NRG1: variants seen among roughly 807,000 people sequenced by gnomAD.
The protein encoded by NRG1 is pro-neuregulin-1, membrane-bound isoform.
Under a neutral mutation model 63.8 loss-of-function variants are expected in NRG1, and 18 were observed. The observed-to-expected ratio is 0.28, with a 90% CI of 0.19 to 0.42. NRG1 has a LOEUF of 0.42. Ranked by LOEUF, NRG1 falls within the 10% of genes least tolerant of loss-of-function variation. NRG1 has a pLI of 1.00. For synonymous variants in NRG1, 302 were observed against 301.3 expected, an observed-to-expected ratio of 1.00 and a Z score of -0.02; for missense variants, 762 against 814.7, an observed-to-expected ratio of 0.94 and a Z score of 0.79.
At chr8:32,434,663 T>A (rs117039316) in intron 1 of NRG1, among the ~76,000 whole-genome samples, 3,081 of 152,108 alleles carry the variant, frequency 0.02, 50 homozygotes, top group Non-Finnish European at 0.032. Context: ...CTTCCCAAAG[T>A]AACAATTACT....
At chr8:32,491,806 C>T (rs1826604384) in intron 1 of NRG1, among the ~76,000 whole-genome samples, 1 of 152,158 alleles carries the variant, frequency 6.6e-6, no homozygotes. Context: ...GGGCCACTTC[C>T]CTCTTTGAGG....
chr8:32,227,709 G>A (rs1468371314), intron 1 of NRG1, among the ~76,000 whole-genome samples: 1 of 152,104 alleles, frequency 6.6e-6, no homozygotes, highest in Non-Finnish European at 1.5e-5. Context: ...CCCCAGGGGA[G>A]ACCAAGCTCA....
At chr8:31,885,201 T>C (rs1035063228) in intron 1 of NRG1, among the ~76,000 whole-genome samples, 1 of 152,098 alleles carries the variant, frequency 6.6e-6, no homozygotes, top group Non-Finnish European at 1.5e-5. Context: ...AAATTGTACA[T>C]TTAAGCAAAT....
chr8:32,055,396 C>A (rs1563732543), intron 1 of NRG1, among the ~76,000 whole-genome samples: 1 of 152,092 alleles, frequency 6.6e-6, no homozygotes, highest in Non-Finnish European at 1.5e-5. Flanking sequence ...TAAGTCATTT[C>A]CTTCTGGGAA....
chr8:32,284,254 C>T (rs551135276), intron 1 of NRG1, among the ~76,000 whole-genome samples: 4 of 152,140 alleles, frequency 2.6e-5, no homozygotes, highest in Non-Finnish European at 4.4e-5. Context: ...ATGTATAAGC[C>T]CTTGACCTGC....
At chr8:31,754,216 C>T (rs59672475) in intron 1 of NRG1, among the ~76,000 whole-genome samples, 8 of 151,938 alleles carry the variant, frequency 5.3e-5, no homozygotes, top group Non-Finnish European at 1.2e-4. Context: ...TGTCTCTGCC[C>T]AAATCTCATG....
chr8:32,750,300 A>G (rs1197799115), intron 7 of NRG1, among the ~76,000 whole-genome samples: 2 of 152,200 alleles, frequency 1.3e-5, no homozygotes, highest in Admixed American at 1.3e-4. Context: ...AAAATTTCAC[A>G]CTGTCAAAGT....
chr8:32,442,094 T>C (rs1819625765), intron 1 of NRG1, among the ~76,000 whole-genome samples: 1 of 152,202 alleles, frequency 6.6e-6, no homozygotes, highest in Non-Finnish European at 1.5e-5. Context: ...CTGTTTTCTA[T>C]TCCTGAAGCA....
intron 1 of NRG1, among the ~76,000 whole-genome samples, chr8:32,260,435 G>A (rs185966659): frequency 3.9e-5 from 6 of 152,162 alleles, no homozygotes; most frequent in African/African-American, 7.2e-5. Context: ...TCCACATGGG[G>A]TCAGTCCATA....
At chr8:32,650,211 T>A (rs1035981523) in intron 5 of NRG1, among the ~76,000 whole-genome samples, 67 of 152,198 alleles carry the variant, frequency 4.4e-4, no homozygotes, top group African/African-American at 1.6e-3. Context: ...ACATATTCCT[T>A]ATCAGTTTTT....
At chr8:32,292,288 G>C (rs972743399) in intron 1 of NRG1, among the ~76,000 whole-genome samples, 4 of 152,068 alleles carry the variant, frequency 2.6e-5, no homozygotes, top group African/African-American at 9.7e-5. Flanking sequence ...AATAAAATTA[G>C]TTACTCCCTT....
At chr8:32,471,984 G>GTT (rs1001026808) in intron 1 of NRG1, among the ~76,000 whole-genome samples, 3 of 152,170 alleles carry the variant, frequency 2.0e-5, no homozygotes, top group Non-Finnish European at 4.4e-5. Context: ...TTTAAACAGG[G>GTT]AGAAGAGGGA....
intron 1 of NRG1, among the ~76,000 whole-genome samples, chr8:31,775,118 T>C (rs966918118): frequency 2.0e-5 from 3 of 152,154 alleles, no homozygotes; most frequent in African/African-American, 7.2e-5. Context: ...ACAAATCATT[T>C]TATTAAAAAA....
At chr8:32,056,856 A>G (rs1823030156) in intron 1 of NRG1, among the ~76,000 whole-genome samples, 2 of 152,178 alleles carry the variant, frequency 1.3e-5, no homozygotes, top group Admixed American at 1.3e-4. Flanking sequence ...AAAATGCTAA[A>G]AGCTGGATTC....
At chr8:32,027,396 A>G (rs1049277260) in intron 1 of NRG1, among the ~76,000 whole-genome samples, 3 of 149,484 alleles carry the variant, frequency 2.0e-5, no homozygotes, top group Non-Finnish European at 4.4e-5. Context: ...TATGTTTTTT[A>G]TAAATTTCCT....
chr8:32,003,974 T>G (rs1356006026), intron 1 of NRG1, among the ~76,000 whole-genome samples: 3 of 152,044 alleles, frequency 2.0e-5, no homozygotes, highest in African/African-American at 7.2e-5. Flanking sequence ...AAATTTATTT[T>G]TAGTTTGACC....
chr8:31,762,332 G>A (rs1311664559), intron 1 of NRG1, among the ~76,000 whole-genome samples: 1 of 152,150 alleles, frequency 6.6e-6, no homozygotes, highest in Non-Finnish European at 1.5e-5. Context: ...TGCTGAGGAT[G>A]ATAGCTTCCA....
intron 1 of NRG1, among the ~76,000 whole-genome samples, chr8:31,767,765 G>A (rs1456930897): frequency 1.3e-5 from 2 of 151,478 alleles, no homozygotes; most frequent in East Asian, 2.0e-4. Flanking sequence ...GATTGAACCT[G>A]GAGGCGGAGG....
intron 1 of NRG1, among the ~76,000 whole-genome samples, chr8:32,027,466 T>TCCCTCCC (rs1554604299): frequency 0.012 from 702 of 60,816 alleles, 6 homozygotes; most frequent in South Asian, 0.052. Flanking sequence ...CCTTCCTTCC[T>TCCCTCCC]TCCCTCCCTC....
Sources: gnomAD v4.1 joint callset for allele counts (sites outside exome capture counted in the v4.1 genomes callset) on GRCh38, gnomAD v4.1.1 for gene constraint, MANE v1.5 for transcripts, NCBI Gene and HGNC (gene_info 2026-07-23, HGNC 2026-07-21) for gene names.